LOC128125818: variants seen among roughly 807,000 people sequenced by gnomAD.
the LOC128125818 span, among the ~76,000 whole-genome samples, chr4:6,068,558 CTT>C: frequency 4.4e-5 from 6 of 136,288 alleles, no homozygotes; most frequent in Non-Finnish European, 3.1e-5. Context: ...AATTTTTTAA[CTT>C]TTTTTTTTTT....
the LOC128125818 span, among the ~76,000 whole-genome samples, chr4:6,066,574 G>A: frequency 1.9e-4 from 29 of 152,110 alleles, 1 homozygote; most frequent in South Asian, 1.7e-3. Flanking sequence ...CGCACCTCCC[G>A]CAATCTAACC....
chr4:6,066,493 C>T, the LOC128125818 span, among the ~76,000 whole-genome samples: 1 of 152,160 alleles, frequency 6.6e-6, no homozygotes, highest in South Asian at 2.1e-4. Context: ...CCCCGAACTC[C>T]AGACTCATAC....
the LOC128125818 span, among the ~76,000 whole-genome samples, chr4:6,068,488 T>C: frequency 2.0e-5 from 3 of 151,888 alleles, no homozygotes; most frequent in Non-Finnish European, 1.5e-5. Context: ...AGAGTTCCCA[T>C]AGCAGCAACG....
At chr4:6,069,251 C>T in the LOC128125818 span, among the ~76,000 whole-genome samples, 1 of 152,102 alleles carries the variant, frequency 6.6e-6, no homozygotes, top group Admixed American at 6.5e-5. The surrounding 1 kb of genome is among the most constrained non-coding windows in gnomAD (Gnocchi z 4.5). Context: ...ATGAAAGAAA[C>T]TTCATTTTTT....
the LOC128125818 span, among the ~76,000 whole-genome samples, chr4:6,067,821 C>G: frequency 1.3e-4 from 18 of 134,452 alleles, no homozygotes; most frequent in African/African-American, 2.5e-4. This position sits in a 1 kb window ranked among gnomAD's most constrained non-coding sequence, Gnocchi z 4.6. Context: ...CTGAGCTCCA[C>G]GTTCACTCAA....
chr4:6,068,671 C>T, the LOC128125818 span, among the ~76,000 whole-genome samples: 1 of 150,706 alleles, frequency 6.6e-6, no homozygotes, highest in Admixed American at 6.6e-5. Flanking sequence ...GATTCTTCTG[C>T]TTCAGCCTCC....
At chr4:6,068,871 T>C in the LOC128125818 span, among the ~76,000 whole-genome samples, 1 of 152,194 alleles carries the variant, frequency 6.6e-6, no homozygotes, top group East Asian at 1.9e-4. Flanking sequence ...TGCCCAGCCT[T>C]AACATTTTTT....
chr4:6,066,632 C>A, the LOC128125818 span, among the ~76,000 whole-genome samples: 1 of 152,192 alleles, frequency 6.6e-6, no homozygotes, highest in African/African-American at 2.4e-5. Flanking sequence ...GGCCCCAATC[C>A]CAGGAGTCCT....
the LOC128125818 span, among the ~76,000 whole-genome samples, chr4:6,066,176 C>G: frequency 2.0e-5 from 3 of 152,104 alleles, no homozygotes; most frequent in Non-Finnish European, 4.4e-5. Flanking sequence ...AAAACCCAGG[C>G]ACTCCCCACA....
chr4:6,066,427 A>G, the LOC128125818 span, among the ~76,000 whole-genome samples: 1 of 152,068 alleles, frequency 6.6e-6, no homozygotes, highest in African/African-American at 2.4e-5. Context: ...TGCTCACTGC[A>G]TCACCCCTCC....
the LOC128125818 span, among the ~76,000 whole-genome samples, chr4:6,066,431 C>G: frequency 6.6e-6 from 1 of 152,134 alleles, no homozygotes; most frequent in South Asian, 2.1e-4. Flanking sequence ...CACTGCATCA[C>G]CCCTCCCACA....
the LOC128125818 span, among the ~76,000 whole-genome samples, chr4:6,067,714 CCT>C: frequency 2.1e-4 from 32 of 150,602 alleles, no homozygotes; most frequent in Non-Finnish European, 3.5e-4. The surrounding 1 kb of genome is among the most constrained non-coding windows in gnomAD (Gnocchi z 4.6). Context: ...AGGTCACCCC[CCT>C]GAGCTCCACG....
chr4:6,065,017 C>T, the LOC128125818 span: 39 of 1,614,124 alleles, frequency 2.4e-5, no homozygotes, highest in African/African-American at 4.1e-4. The surrounding 1 kb of genome is among the most constrained non-coding windows in gnomAD (Gnocchi z 5.1). Flanking sequence ...TTCTGTAAAA[C>T]GCAATTTGTA....
the LOC128125818 span, among the ~76,000 whole-genome samples, chr4:6,069,612 G>A: frequency 6.6e-6 from 1 of 152,162 alleles, no homozygotes; most frequent in Non-Finnish European, 1.5e-5. This position sits in a 1 kb window ranked among gnomAD's most constrained non-coding sequence, Gnocchi z 4.5. Flanking sequence ...AGTTAGCCGA[G>A]TATGGTGGCT....
At chr4:6,067,683 C>T in the LOC128125818 span, among the ~76,000 whole-genome samples, 2 of 150,816 alleles carry the variant, frequency 1.3e-5, no homozygotes, top group African/African-American at 4.9e-5. This position sits in a 1 kb window ranked among gnomAD's most constrained non-coding sequence, Gnocchi z 4.6. Flanking sequence ...TCCAGGTTCA[C>T]TCAAGCTCTT....
At chr4:6,068,108 T>C in the LOC128125818 span, among the ~76,000 whole-genome samples, 136 of 152,320 alleles carry the variant, frequency 8.9e-4, no homozygotes, top group Non-Finnish European at 1.3e-3. Flanking sequence ...CTGTGAAGGC[T>C]CTGCAGGACT....
the LOC128125818 span, among the ~76,000 whole-genome samples, chr4:6,067,713 C>T: frequency 6.8e-6 from 1 of 148,018 alleles, no homozygotes; most frequent in Non-Finnish European, 1.5e-5. This position sits in a 1 kb window ranked among gnomAD's most constrained non-coding sequence, Gnocchi z 4.6. Flanking sequence ...CAGGTCACCC[C>T]CCTGAGCTCC....
chr4:6,067,628 C>T, the LOC128125818 span, among the ~76,000 whole-genome samples: 765 of 147,574 alleles, frequency 5.2e-3, 8 homozygotes, highest in African/African-American at 0.018. The surrounding 1 kb of genome is among the most constrained non-coding windows in gnomAD (Gnocchi z 4.6). Context: ...GCTCCAGGTT[C>T]ACTCAAGCTC....
chr4:6,068,752 T>C, the LOC128125818 span, among the ~76,000 whole-genome samples: 2 of 152,088 alleles, frequency 1.3e-5, no homozygotes, highest in African/African-American at 4.8e-5. Flanking sequence ...TTTTCTTAAG[T>C]AGTGACAAGG....
Sources: allele counts gnomAD v4.1 joint callset (sites outside exome capture counted in the v4.1 genomes callset), GRCh38; gene constraint gnomAD v4.1.1; non-coding constraint Gnocchi (gnomAD v3.1); transcripts MANE v1.5.